FHIT: variants seen among roughly 807,000 people sequenced by gnomAD.
The protein encoded by FHIT is fragile histidine triad diadenosine triphosphatase.
In FHIT, 19 loss-of-function variants were observed where a neutral mutation model predicts 17.9. That is an observed-to-expected ratio of 1.06 (90% confidence interval 0.74 to 1.56). The LOEUF (loss-of-function observed/expected upper bound fraction) is 1.56, where lower values mean the gene tolerates loss of function less well. Ranked by LOEUF, FHIT falls within the 40% of genes most tolerant of loss-of-function variation. FHIT has a pLI of 0.00. For missense variants in FHIT, 248 were observed against 189.2 expected (o/e 1.31, Z -1.82); for synonymous variants, 81 against 69.7 (o/e 1.16, Z -0.81).
chr3:60,473,985 G>A (rs562639694), intron 5 of FHIT, among the ~76,000 whole-genome samples: 1 of 152,054 alleles, frequency 6.6e-6, no homozygotes, highest in Non-Finnish European at 1.5e-5. Flanking sequence ...GATGTATGGG[G>A]GAAAGACACA....
At chr3:59,992,494 A>T (rs1055479746) in intron 7 of FHIT, among the ~76,000 whole-genome samples, 1 of 152,084 alleles carries the variant, frequency 6.6e-6, no homozygotes, top group Non-Finnish European at 1.5e-5. Context: ...AGCGTATACC[A>T]ACAACACATC....
intron 2 of FHIT, among the ~76,000 whole-genome samples, chr3:61,186,481 A>T (rs1050533644): frequency 4.6e-5 from 7 of 152,198 alleles, no homozygotes; most frequent in Non-Finnish European, 8.8e-5. Flanking sequence ...AGGCACAGGG[A>T]GTTGCACGGG....
chr3:60,552,956 C>T (rs553432237), intron 4 of FHIT, among the ~76,000 whole-genome samples: 3 of 152,238 alleles, frequency 2.0e-5, no homozygotes, highest in African/African-American at 7.2e-5. Context: ...GATTAAGAGG[C>T]ATGTCTACAT....
intron 2 of FHIT, among the ~76,000 whole-genome samples, chr3:61,080,112 T>G (rs1051291112): frequency 1.2e-4 from 18 of 152,310 alleles, no homozygotes; most frequent in African/African-American, 3.4e-4. Context: ...ACAACTAATC[T>G]AAATGGCTGA....
At chr3:60,272,823 CT>C (rs1215831775) in intron 5 of FHIT, among the ~76,000 whole-genome samples, 1 of 152,200 alleles carries the variant, frequency 6.6e-6, no homozygotes, top group Non-Finnish European at 1.5e-5. Flanking sequence ...CAAACGGATA[CT>C]GTGATTTTGA....
At chr3:59,885,957 G>A (rs1296224193) in intron 8 of FHIT, among the ~76,000 whole-genome samples, 1 of 152,174 alleles carries the variant, frequency 6.6e-6, no homozygotes, top group Non-Finnish European at 1.5e-5. Flanking sequence ...AGAAGCTAAT[G>A]CCAGGCAATC....
chr3:60,429,147 A>G (rs899464941), intron 5 of FHIT, among the ~76,000 whole-genome samples: 2 of 152,074 alleles, frequency 1.3e-5, no homozygotes, highest in African/African-American at 4.8e-5. Context: ...ATTTCCTGCC[A>G]AACACTGAGG....
intron 3 of FHIT, among the ~76,000 whole-genome samples, chr3:61,025,637 C>T (rs1300103607): frequency 6.6e-6 from 1 of 152,154 alleles, no homozygotes; most frequent in African/African-American, 2.4e-5. Flanking sequence ...ATTGAGTTTA[C>T]AAACCATCTA....
At chr3:60,892,818 A>G (rs1222248036) in intron 3 of FHIT, among the ~76,000 whole-genome samples, 1 of 152,218 alleles carries the variant, frequency 6.6e-6, no homozygotes, top group East Asian at 1.9e-4. Flanking sequence ...GTAAATGCAT[A>G]TGATATAAGG....
At chr3:60,671,199 GC>G (rs2040495785) in intron 4 of FHIT, among the ~76,000 whole-genome samples, 1 of 152,096 alleles carries the variant, frequency 6.6e-6, no homozygotes, top group Non-Finnish European at 1.5e-5. Flanking sequence ...CTTGATAAAA[GC>G]TTTCAAAATT....
intron 5 of FHIT, among the ~76,000 whole-genome samples, chr3:60,049,303 C>G (rs777600898): frequency 2.6e-5 from 4 of 152,098 alleles, no homozygotes; most frequent in Non-Finnish European, 4.4e-5. Context: ...AACATAGTAG[C>G]CACTAGCCAC....
rs188213636 is a variant in FHIT at position 60,502,556 on chromosome 3, A to G, written c.103+34304T>C. Among the ~76,000 whole-genome samples, 22 of 152,126 alleles carry G rather than the reference A, an allele frequency of 1.4e-4. No homozygotes were observed. The East Asian group carries it at 4.1e-3, about 28-fold the overall frequency. ...AGTTCTAGAGGACAGAGTGTCAGCA[A>G]CTCCCCCAGTGCTTAGCACAATAAT... On this transcript the variant is annotated intron_variant, in intron 5 of 9. Transcript: ENST00000492590.
intron 8 of FHIT, among the ~76,000 whole-genome samples, chr3:59,835,066 T>G (rs1456957432): frequency 6.6e-6 from 1 of 152,170 alleles, no homozygotes; most frequent in Non-Finnish European, 1.5e-5. Context: ...GTTGTGTAAA[T>G]AACCCAATCT....
chr3:61,118,452 T>C (rs1014792646), intron 2 of FHIT, among the ~76,000 whole-genome samples: 4 of 152,126 alleles, frequency 2.6e-5, no homozygotes, highest in Admixed American at 2.0e-4. Context: ...AATTTAAACT[T>C]AGATCATCTA....
chr3:60,711,875 A>C (rs561616100), intron 4 of FHIT, among the ~76,000 whole-genome samples: 34 of 152,330 alleles, frequency 2.2e-4, no homozygotes, highest in African/African-American at 5.1e-4. Flanking sequence ...GAGAACTTCC[A>C]CAATCTAGCA....
At chr3:59,769,464 C>A (rs1049668370) in intron 8 of FHIT, among the ~76,000 whole-genome samples, 5 of 152,198 alleles carry the variant, frequency 3.3e-5, no homozygotes, top group African/African-American at 1.2e-4. Context: ...TGTGTGCACT[C>A]TTCTACATGG....
intron 4 of FHIT, among the ~76,000 whole-genome samples, chr3:60,699,689 T>TAAAA (rs56046679): frequency 7.1e-6 from 1 of 140,612 alleles, no homozygotes; most frequent in Non-Finnish European, 1.5e-5. Context: ...TAGAGTATAA[T>TAAAA]AAAAAAAAAT....
intron 5 of FHIT, among the ~76,000 whole-genome samples, chr3:60,052,195 T>A (rs576947590): frequency 6.6e-6 from 1 of 152,142 alleles, no homozygotes; most frequent in African/African-American, 2.4e-5. Context: ...CAGTCTATAA[T>A]CCCATAAGAA....
At position 60,478,441 on chromosome 3, in the gene FHIT, G is replaced by A. The variant is rs191671916; in HGVS notation, c.103+58419C>T. Among the ~76,000 whole-genome samples, 3 of 152,296 alleles carry A rather than the reference G, an allele frequency of 2.0e-5. 1 individual carries two copies. Among genetic ancestry groups the A allele is most frequent in the Admixed American group, 2.0e-4 (3 of 15,292 alleles). ...ACAAAGTAGGCTTTGATAGGACTGT[G>A]TTACCATCTCTAGACCTAACTATGA... is the stretch of plus-strand genomic sequence containing the variant. On this transcript the variant is annotated intron_variant, in intron 5 of 9. Coordinates refer to ENST00000492590, the MANE Select transcript of FHIT (RefSeq NM_002012.4).
Sources: allele counts gnomAD v4.1 joint callset (sites outside exome capture counted in the v4.1 genomes callset), GRCh38; gene constraint gnomAD v4.1.1; transcripts MANE v1.5; gene names NCBI Gene and HGNC (gene_info 2026-07-23, HGNC 2026-07-21).